The following RNF144B variants were observed in gnomAD, a reference collection of about 807,000 sequenced individuals.
RNF144B encodes E3 ubiquitin-protein ligase RNF144B.
In RNF144B, 25 loss-of-function variants were observed where a neutral mutation model predicts 40.2. The ratio of observed to expected loss-of-function variants is 0.62; its 90% CI spans 0.45 to 0.87. The LOEUF is 0.87. RNF144B is among the 40% of genes least tolerant of loss of function. The pLI is 0.00. For missense variants in RNF144B, 365 were observed against 373.7 expected (o/e 0.98, Z 0.19); for synonymous variants, 145 against 136.3 (o/e 1.06, Z -0.44).
At chr6:18,454,805 A>G (rs1216773734) in intron 4 of RNF144B, among the ~76,000 whole-genome samples, 2 of 152,228 alleles carry the variant, frequency 1.3e-5, no homozygotes, top group African/African-American at 4.8e-5. Flanking sequence ...AAGCTGGTAG[A>G]AACAAGTCGG....
In RNF144B at chr6:18,443,861, A is replaced by G. The variant is rs1759018871; in HGVS notation, c.331+4117A>G. 6.6e-6 allele frequency among the ~76,000 whole-genome samples: 1 copy of G among 152,192 alleles called. No individual in the cohort carries two copies. Among genetic ancestry groups the G allele is most frequent in the Non-Finnish European group, 1.5e-5 (1 of 68,024 alleles). On this transcript the variant is annotated intron_variant, in intron 4 of 7. Transcript: ENST00000259939. This position sits in a 1 kb window ranked among gnomAD's most constrained non-coding sequence, Gnocchi z 4.7. ...CATTTATAAGGGGACTTTGGGGTGC[A>G]TTAAATACCCACTAATACTGTAAAT...
chr6:18,427,803 T>G, intron 3 of RNF144B, 118 bp downstream of exon 3: 1 of 653,528 alleles, frequency 1.5e-6, no homozygotes, highest in Non-Finnish European at 2.6e-6. Context: ...GGTTAACTTT[T>G]TAAAGGAGCA....
At chr6:18,394,749 C>G (rs1371585323) in intron 1 of RNF144B, among the ~76,000 whole-genome samples, 4 of 152,154 alleles carry the variant, frequency 2.6e-5, no homozygotes, top group Non-Finnish European at 5.9e-5. Context: ...TTTGACAATT[C>G]TAATGACAAG....
rs6941173 is a variant in RNF144B, at chr6:18,444,953, A to G, written c.331+5209A>G. ...GTCCTTGGTGAAATGCTTCCACCCC[A>G]GCTTTTGTATCTGATCATAAAGGTT... On this transcript the variant is annotated intron_variant, in intron 4 of 7. Coordinates refer to ENST00000259939, the MANE Select transcript of RNF144B (RefSeq NM_182757.4). This position sits in a 1 kb window ranked among gnomAD's most constrained non-coding sequence, Gnocchi z 4.3. Among the ~76,000 whole-genome samples, 18,992 of 152,134 alleles carry G rather than the reference A, an allele frequency of 0.12. 1,360 individuals carry two copies. The highest frequency in any genetic ancestry group is 0.19 in the Admixed American group (2,954 of 15,278).
chr6:18,404,135 G>T (rs2113466850), intron 2 of RNF144B, among the ~76,000 whole-genome samples: 1 of 152,330 alleles, frequency 6.6e-6, no homozygotes, highest in South Asian at 2.1e-4. Context: ...GGGAGGATTT[G>T]CAATGTGTAT....
chr6:18,388,906 T>TA (rs1232888582), intron 1 of RNF144B, among the ~76,000 whole-genome samples: 1 of 151,846 alleles, frequency 6.6e-6, no homozygotes. Context: ...TTATCTTGAT[T>TA]AAAAAAAGGT....
intron 6 of RNF144B, among the ~76,000 whole-genome samples, chr6:18,462,827 C>T (rs986176036): frequency 2.0e-5 from 3 of 152,126 alleles, no homozygotes; most frequent in Non-Finnish European, 4.4e-5. Flanking sequence ...CTTCTTTTAA[C>T]CCAATCACTT....
chr6:18,445,950 G>A (rs145954803), intron 4 of RNF144B, among the ~76,000 whole-genome samples: 1 of 152,132 alleles, frequency 6.6e-6, no homozygotes, highest in African/African-American at 2.4e-5. Context: ...ATAATAAAAG[G>A]TGTTGAAAAA....
In RNF144B at chr6:18,387,500, C is replaced by T. The variant is rs757955184; in HGVS notation, c.-167C>T. The T allele has an allele frequency of 1.2e-5, 16 of 1,303,380 alleles. No homozygotes were observed. The South Asian group carries it at 1.3e-4, about 11-fold the overall frequency. 80.7% of individuals were successfully genotyped at this position (1,303,380 alleles called of 1,614,324 possible). A position where few individuals can be genotyped will look rare whatever the true frequency, so the allele number is the denominator to read the frequency against. ...TCTTGCAAAGTGTAAAGCTGTCAGC[C>T]GCAGAGCACGGAGGAAAGACGGAGA... On this transcript the variant is annotated 5_prime_UTR_variant, in exon 1 of 8. Transcript: ENST00000259939.
rs1794577369 is a variant in RNF144B at position 18,391,433 on chromosome 6, T to C, written c.-37+3803T>C. Reference sequence around the variant, plus strand: ...ATGCAAAATTGCCATGCCAAAAATATCATTGAGCTGTTATTCTCATATTCA... The same window carrying C: ...ATGCAAAATTGCCATGCCAAAAATACCATTGAGCTGTTATTCTCATATTCA... On this transcript the variant is annotated intron_variant, in intron 1 of 7. Coordinates refer to ENST00000259939, the MANE Select transcript of RNF144B (RefSeq NM_182757.4). Among the ~76,000 whole-genome samples, 4 of 152,154 alleles carry C rather than the reference T, an allele frequency of 2.6e-5. No individual in the cohort carries two copies. In the South Asian group the frequency reaches 8.3e-4, roughly 32 times the overall value.
Position 18,459,653 on chromosome 6 carries a change from G to C in RNF144B, c.583G>C (p.Val195Leu). ...AGAAGCCCCCATTAAGCAGTGCCCA[G>C]TTTGCCGGGTTTATATCGAACGCAA... ...DAEAPIKQCP[V>L]CRVYIERNEG... Residue 195 changes from valine (V) to leucine (L), a missense_variant, in exon 6 of 8, where the codon GTT becomes CTT. By Grantham distance (32) the Val-to-Leu change is conservative. Transcript: ENST00000259939. This position sits in a 1 kb window ranked among gnomAD's most constrained non-coding sequence, Gnocchi z 4.2. 1.2e-6 allele frequency: 2 copies of C among 1,613,938 alleles called. No homozygotes were observed. The highest frequency in any genetic ancestry group is 1.7e-6 in the Non-Finnish European group (2 of 1,179,980).
At chr6:18,449,762 G>A (rs1045093803) in intron 4 of RNF144B, among the ~76,000 whole-genome samples, 2 of 151,692 alleles carry the variant, frequency 1.3e-5, no homozygotes, top group Admixed American at 1.3e-4. Flanking sequence ...ATCTTATGTA[G>A]TCATTGTTTT....
rs1204878340 is a variant in RNF144B at position 18,414,542 on chromosome 6, TTATTAA to T, written c.166-13034_166-13029del. Among the ~76,000 whole-genome samples, 10 of 152,182 alleles carry T rather than the reference TTATTAA, an allele frequency of 6.6e-5. No homozygotes were observed. The highest frequency in any genetic ancestry group is 2.2e-4 in the African/African-American group (9 of 41,458). On this transcript the variant is annotated intron_variant, in intron 2 of 7. Transcript: ENST00000259939. This position sits in a 1 kb window ranked among gnomAD's most constrained non-coding sequence, Gnocchi z 4.9. ...TTTAAAATTTCAAAAATTCAGATAG[TTATTAA>T]TATTGCTACCACTAGTTTTATTTAA...
chr6:18,444,577 AG>A lies in RNF144B; in HGVS notation c.331+4835del, dbSNP rs1759037150. Among the ~76,000 whole-genome samples, 1 of 151,856 alleles carries A rather than the reference AG, an allele frequency of 6.6e-6. No individual in the cohort carries two copies. The highest frequency in any genetic ancestry group is 2.4e-5 in the African/African-American group (1 of 41,304). On this transcript the variant is annotated intron_variant, in intron 4 of 7. Coordinates refer to ENST00000259939, the MANE Select transcript of RNF144B (RefSeq NM_182757.4). The surrounding 1 kb of genome is among the most constrained non-coding windows in gnomAD (Gnocchi z 4.3). ...CTGCAAGTTGCTTCCGTTCCTTGCT[AG>A]GTTGATGTATCTGTTCTTGAATATT...
Position 18,418,278 on chromosome 6 carries a change from A to T in RNF144B, c.166-9303A>T, listed in dbSNP as rs538059665. Among the ~76,000 whole-genome samples, 1 of 152,358 alleles carries T rather than the reference A, an allele frequency of 6.6e-6. No individual in the cohort carries two copies. Among genetic ancestry groups the T allele is most frequent in the Middle Eastern group, 3.4e-3 (1 of 294 alleles). On this transcript the variant is annotated intron_variant, in intron 2 of 7. Transcript: ENST00000259939. The surrounding 1 kb of genome is among the most constrained non-coding windows in gnomAD (Gnocchi z 5.2). ...TGTATGTCCACATGAAAACTTGCTC[A>T]TAGCAGCATAATTCATAATACCACT...
chr6:18,406,177 A>G lies in RNF144B; in HGVS notation c.165+6478A>G, dbSNP rs559565043. On this transcript the variant is annotated intron_variant, in intron 2 of 7. Coordinates refer to ENST00000259939, the MANE Select transcript of RNF144B (RefSeq NM_182757.4). The surrounding 1 kb of genome is among the most constrained non-coding windows in gnomAD (Gnocchi z 4.2). ...TTTCGTATGAGACATAGATGCTAACAAGTAAATACAGAAGTCAGGTGATGG... is the reference window on the plus strand; with the variant it reads ...TTTCGTATGAGACATAGATGCTAACGAGTAAATACAGAAGTCAGGTGATGG... 2 of 518,796 alleles carry G rather than the reference A, an allele frequency of 3.9e-6. No individual in the cohort carries two copies. Among genetic ancestry groups the G allele is most frequent in the Admixed American group, 1.9e-5 (1 of 51,560 alleles). The allele number at this position is 518,796 out of a possible 1,614,324, so 32.1% of individuals were successfully genotyped here.
intron 2 of RNF144B, among the ~76,000 whole-genome samples, chr6:18,426,483 G>T (rs1758556753): frequency 1.3e-5 from 2 of 152,138 alleles, no homozygotes; most frequent in South Asian, 4.1e-4. Context: ...GGCATTACAG[G>T]TTTCCATAAA....
intron 4 of RNF144B, among the ~76,000 whole-genome samples, chr6:18,454,423 T>C (rs938930064): frequency 3.3e-5 from 5 of 152,212 alleles, no homozygotes; most frequent in African/African-American, 1.2e-4. Context: ...CCTTTTTGGA[T>C]AGAGTCAAAA....
At chr6:18,431,787 G>A (rs1244442348) in intron 3 of RNF144B, among the ~76,000 whole-genome samples, 1 of 152,230 alleles carries the variant, frequency 6.6e-6, no homozygotes, top group Admixed American at 6.5e-5. Context: ...AGGAATGTAA[G>A]CTCTTTCCTC....
Sources: allele counts gnomAD v4.1 joint callset (sites outside exome capture counted in the v4.1 genomes callset), GRCh38; gene constraint gnomAD v4.1.1; non-coding constraint Gnocchi (gnomAD v3.1); transcripts MANE v1.5; gene names NCBI Gene and HGNC (gene_info 2026-07-23, HGNC 2026-07-21).